Variants in KIRREL3 observed in about 807,000 individuals in gnomAD.
KIRREL3 encodes kin of IRRE-like protein 3.
A neutral mutation model predicts 89.7 loss-of-function variants in KIRREL3; 36 were observed. The observed-to-expected ratio is 0.40, with a 90% confidence interval of 0.31 to 0.53. The LOEUF is 0.53. Among genes scored for constraint, KIRREL3 ranks in the 20% least tolerant of loss-of-function variants. The pLI, the probability that KIRREL3 is intolerant of heterozygous loss-of-function variation, is 0.49. For synonymous variants in KIRREL3, 445 were observed against 441.4 expected, an observed-to-expected ratio of 1.01 and a Z score of -0.10; for missense variants, 864 against 1,056.6, an observed-to-expected ratio of 0.82 and a Z score of 2.53.
chr11:126,804,763 C>CT (rs930942221), intron 1 of KIRREL3, among the ~76,000 whole-genome samples: 11 of 152,098 alleles, frequency 7.2e-5, no homozygotes, highest in Admixed American at 7.2e-4. Flanking sequence ...AGATCACAAC[C>CT]TTTTTTCCAA....
intron 1 of KIRREL3, among the ~76,000 whole-genome samples, chr11:126,745,479 C>G (rs894377687): frequency 8.3e-6 from 1 of 120,760 alleles, no homozygotes; most frequent in African/African-American, 3.5e-5. Context: ...AACAAACAAA[C>G]AAACAAACAG....
intron 6 of KIRREL3, among the ~76,000 whole-genome samples, chr11:126,457,362 TGTGTATGC>T (rs1452933689): frequency 1.3e-4 from 11 of 87,828 alleles, no homozygotes; most frequent in Non-Finnish European, 2.0e-4. Context: ...TATGTCTCTG[TGTGTATGC>T]GTGTATGTGT....
At chr11:126,854,945 G>A (rs1325635225) in intron 1 of KIRREL3, among the ~76,000 whole-genome samples, 1 of 152,158 alleles carries the variant, frequency 6.6e-6, no homozygotes, top group Admixed American at 6.5e-5. Flanking sequence ...CACAGATATA[G>A]ATTCACCCTT....
chr11:126,456,285 C>A, intron 7 of KIRREL3, 64 bp downstream of exon 7: 1 of 1,108,394 alleles, frequency 9.0e-7, no homozygotes. Flanking sequence ...AGTGACATCC[C>A]ACGTGAGAGG....
rs1005056793 is a variant in KIRREL3, at chr11:126,488,677, C to T, written c.434-15211G>A. Among the ~76,000 whole-genome samples the T allele has an allele frequency of 5.9e-5, 9 of 152,324 alleles. No individual in the cohort carries two copies. The South Asian group carries it at 8.3e-4, about 14-fold the overall frequency. On this transcript the variant is annotated intron_variant, in intron 4 of 16. Transcript: ENST00000525144. Reference sequence around the variant, plus strand: ...CCCAGGGAGCTGCAGATGGAGGCTCCGTGAGCTGGAGCCCACACCCTCCCA... The same window carrying T: ...CCCAGGGAGCTGCAGATGGAGGCTCTGTGAGCTGGAGCCCACACCCTCCCA...
At chr11:126,588,341 A>C (rs574740862) in intron 1 of KIRREL3, among the ~76,000 whole-genome samples, 7 of 152,352 alleles carry the variant, frequency 4.6e-5, no homozygotes, top group Admixed American at 3.9e-4. Context: ...AGCCACAGGT[A>C]TCCTTGAAGA....
In KIRREL3 at chr11:126,435,249, T is replaced by G. The variant is rs752332424; in HGVS notation, c.1588+19A>C. On this transcript the variant is annotated intron_variant, in intron 13 of 16. Transcript: ENST00000525144. ...CCTTCCCCCCTTCCCAGGGCCATTCTCATCATCTCCTTCCGTACCTGCTTC... is the reference window on the plus strand; with the variant it reads ...CCTTCCCCCCTTCCCAGGGCCATTCGCATCATCTCCTTCCGTACCTGCTTC... The G allele has an allele frequency of 1.2e-6, 2 of 1,613,306 alleles. No homozygotes were observed. Among genetic ancestry groups the G allele is most frequent in the Non-Finnish European group, 1.7e-6 (2 of 1,179,556 alleles).
intron 1 of KIRREL3, among the ~76,000 whole-genome samples, chr11:126,632,173 G>A (rs1207369929): frequency 6.6e-6 from 1 of 152,244 alleles, no homozygotes; most frequent in Admixed American, 6.5e-5. Context: ...TGCTGCTGGT[G>A]TGGTCTCACA....
chr11:126,858,764 T>G (rs962226854), intron 1 of KIRREL3, among the ~76,000 whole-genome samples: 11 of 152,228 alleles, frequency 7.2e-5, no homozygotes, highest in Non-Finnish European at 1.5e-4. Flanking sequence ...CAGTGTCTTC[T>G]GCAAATGATG....
rs947895395 is a variant in KIRREL3 at position 126,703,299 on chromosome 11, G to A, written c.56-140387C>T. Among the ~76,000 whole-genome samples the A allele has an allele frequency of 6.6e-6, 1 of 152,268 alleles. No individual in the cohort carries two copies. The highest frequency in any genetic ancestry group is 6.5e-5 in the Admixed American group (1 of 15,290). On this transcript the variant is annotated intron_variant, in intron 1 of 16. Coordinates refer to ENST00000525144, the MANE Select transcript of KIRREL3 (RefSeq NM_032531.4). This position sits in a 1 kb window ranked among gnomAD's most constrained non-coding sequence, Gnocchi z 4.6. ...CTTACCATTTGCATGGTCTGCGGAGGAATGGTGCTCCTGAGAGCTGTTCTC... is the reference window on the plus strand; with the variant it reads ...CTTACCATTTGCATGGTCTGCGGAGAAATGGTGCTCCTGAGAGCTGTTCTC...
Position 126,924,019 on chromosome 11 carries a change from C to G in KIRREL3, c.55+76436G>C, listed in dbSNP as rs1466388745. 6.6e-6 allele frequency among the ~76,000 whole-genome samples: 1 copy of G among 152,216 alleles called. No individual in the cohort carries two copies. Among genetic ancestry groups the G allele is most frequent in the African/African-American group, 2.4e-5 (1 of 41,464 alleles). On this transcript the variant is annotated intron_variant, in intron 1 of 16. Transcript: ENST00000525144. The surrounding 1 kb of genome is among the most constrained non-coding windows in gnomAD (Gnocchi z 4.7). Reference sequence around the variant, plus strand: ...AGCATCATCCAAGGCTTCCCCATTTCCCTTAGCCCCTATGACCAGTCACTA... The same window carrying G: ...AGCATCATCCAAGGCTTCCCCATTTGCCTTAGCCCCTATGACCAGTCACTA...
At chr11:126,540,617 T>C (rs554404864) in intron 2 of KIRREL3, among the ~76,000 whole-genome samples, 16 of 152,206 alleles carry the variant, frequency 1.1e-4, no homozygotes, top group Admixed American at 9.8e-4. Flanking sequence ...GGAGAGGGAT[T>C]CTTCCATCGA....
Position 126,921,986 on chromosome 11 carries a change from T to TCTAC in KIRREL3, c.55+78468_55+78469insGTAG, listed in dbSNP as rs557746307. 2.3e-3 allele frequency among the ~76,000 whole-genome samples: 347 copies of TCTAC among 148,534 alleles called. 2 individuals are homozygous for TCTAC. Among genetic ancestry groups the TCTAC allele is most frequent in the African/African-American group, 8.4e-3 (330 of 39,504 alleles). On this transcript the variant is annotated intron_variant, in intron 1 of 16. Coordinates refer to ENST00000525144, the MANE Select transcript of KIRREL3 (RefSeq NM_032531.4). Reference sequence around the variant, plus strand: ...CTATATCTATCTATCTATCTATCTATCTATCTATCTATCTATCTATCATCT... The same window carrying TCTAC: ...CTATATCTATCTATCTATCTATCTATCTACCTATCTATCTATCTATCTATCATCT...
In KIRREL3 at chr11:126,526,121, T is replaced by C. The variant is rs1482279636; in HGVS notation, c.283+417A>G. On this transcript the variant is annotated intron_variant, in intron 3 of 16. Coordinates refer to ENST00000525144, the MANE Select transcript of KIRREL3 (RefSeq NM_032531.4). This position sits in a 1 kb window ranked among gnomAD's most constrained non-coding sequence, Gnocchi z 5.7. ...TTTCAGTTTACTTGGTTCCCTTTAA[T>C]GGGTGAGAAGCCTGGAAGAACCAGG... Among the ~76,000 whole-genome samples, 1 of 152,206 alleles carries C rather than the reference T, an allele frequency of 6.6e-6. No individual in the cohort carries two copies. Among genetic ancestry groups the C allele is most frequent in the Non-Finnish European group, 1.5e-5 (1 of 68,032 alleles).
intron 1 of KIRREL3, among the ~76,000 whole-genome samples, chr11:126,972,517 T>C (rs1292050327): frequency 6.6e-6 from 1 of 152,184 alleles, no homozygotes. Flanking sequence ...GGTAGGCCAA[T>C]ATTCCTTCCA....
chr11:126,588,504 T>G (rs1326477923), intron 1 of KIRREL3, among the ~76,000 whole-genome samples: 1 of 152,100 alleles, frequency 6.6e-6, no homozygotes, highest in East Asian at 1.9e-4. Flanking sequence ...GGAGCCTTGC[T>G]GCGGGCCCTG....
chr11:126,928,679 T>A (rs1428912533), intron 1 of KIRREL3, among the ~76,000 whole-genome samples: 4 of 152,212 alleles, frequency 2.6e-5, no homozygotes, highest in Non-Finnish European at 5.9e-5. Flanking sequence ...CCAGCATGAC[T>A]GGGTGGAAAA....
In KIRREL3 at chr11:126,537,909, G is replaced by A. The variant is rs895891267; in HGVS notation, c.134-11222C>T. Among the ~76,000 whole-genome samples, 16 of 152,236 alleles carry A rather than the reference G, an allele frequency of 1.1e-4. No individual in the cohort carries two copies. The highest frequency in any genetic ancestry group is 3.9e-4 in the African/African-American group (16 of 41,458). The stretch of plus-strand genomic sequence containing the variant: ...CTGTCTTGCGGAGTCCCAGAGCTGA[G>A]AACGGAGGCTTTGCAAATCTGAAGT... On this transcript the variant is annotated intron_variant, in intron 2 of 16. Transcript: ENST00000525144. The surrounding 1 kb of genome is among the most constrained non-coding windows in gnomAD (Gnocchi z 4.3).
intron 11 of KIRREL3, among the ~76,000 whole-genome samples, chr11:126,437,976 A>T (rs909884732): frequency 6.6e-6 from 1 of 152,212 alleles, no homozygotes; most frequent in African/African-American, 2.4e-5. Flanking sequence ...GTACACGGTA[A>T]CACACCCACA....
Sources: allele counts gnomAD v4.1 joint callset (sites outside exome capture counted in the v4.1 genomes callset), GRCh38; gene constraint gnomAD v4.1.1; non-coding constraint Gnocchi (gnomAD v3.1); transcripts MANE v1.5; gene names NCBI Gene and HGNC (gene_info 2026-07-23, HGNC 2026-07-21).